Variants in SGCZ observed in about 807,000 individuals in gnomAD.
SGCZ encodes sarcoglycan zeta, also known as zeta-sarcoglycan.
In SGCZ, 40 loss-of-function variants were observed where a neutral mutation model predicts 41.3. That is an observed-to-expected ratio of 0.97 (90% CI 0.75 to 1.26). The LOEUF (loss-of-function observed/expected upper bound fraction) is 1.26. Among genes scored for constraint, SGCZ ranks in the 50% most tolerant of loss-of-function variants. The pLI is 0.00. For missense variants in SGCZ, 552 were observed against 369.8 expected, an observed-to-expected ratio of 1.49 and a Z score of -4.04; for synonymous variants, 206 against 137.5, an observed-to-expected ratio of 1.50 and a Z score of -3.49.
intron 1 of SGCZ, among the ~76,000 whole-genome samples, chr8:15,170,219 C>A (rs1298257623): frequency 6.6e-6 from 1 of 152,168 alleles, no homozygotes; most frequent in Non-Finnish European, 1.5e-5. Flanking sequence ...TGCCTGAGAT[C>A]TAAAGTTTCC....
chr8:14,205,819 T>C, intron 4 of SGCZ, among the ~76,000 whole-genome samples: 1 of 152,170 alleles, frequency 6.6e-6, no homozygotes, highest in Non-Finnish European at 1.5e-5. Context: ...TTTGATGCAC[T>C]GAGATTTATA....
chr8:14,394,365 G>A (rs1804904013), intron 2 of SGCZ, among the ~76,000 whole-genome samples: 1 of 151,898 alleles, frequency 6.6e-6, no homozygotes, highest in South Asian at 2.1e-4. Flanking sequence ...TGGCCAGGAT[G>A]GTCTCGATCT....
intron 1 of SGCZ, among the ~76,000 whole-genome samples, chr8:14,967,475 G>C (rs1801159712): frequency 1.3e-5 from 2 of 152,086 alleles, no homozygotes; most frequent in Non-Finnish European, 2.9e-5. Context: ...CGGTCATAAA[G>C]ACTCAAAATA....
chr8:14,784,957 A>ATATATATAATATATATATTTTTTATAT (rs1800717969), intron 1 of SGCZ, among the ~76,000 whole-genome samples: 1 of 102,206 alleles, frequency 9.8e-6, no homozygotes, highest in African/African-American at 3.7e-5. Context: ...TTTTTATATT[A>ATATATATAATATATATATTTTTTATAT]TATATATATA....
intron 1 of SGCZ, among the ~76,000 whole-genome samples, chr8:15,163,027 C>G (rs1447836979): frequency 6.6e-6 from 1 of 152,144 alleles, no homozygotes; most frequent in East Asian, 1.9e-4. Flanking sequence ...TCATTTCGTG[C>G]TCAGTTGTAT....
At chr8:14,219,541 G>A (rs1350614018) in intron 4 of SGCZ, among the ~76,000 whole-genome samples, 1 of 152,166 alleles carries the variant, frequency 6.6e-6, no homozygotes, top group Non-Finnish European at 1.5e-5. Flanking sequence ...AAGGTCAGGA[G>A]TTCGAGACCA....
intron 1 of SGCZ, among the ~76,000 whole-genome samples, chr8:15,146,394 G>A (rs1268000749): frequency 6.6e-6 from 1 of 152,136 alleles, no homozygotes; most frequent in East Asian, 1.9e-4. Context: ...GAGAAATGGA[G>A]TCTCCATATT....
At chr8:14,283,895 A>G (rs1800532358) in intron 3 of SGCZ, among the ~76,000 whole-genome samples, 2 of 152,196 alleles carry the variant, frequency 1.3e-5, no homozygotes. Context: ...CAATTGACCT[A>G]AGAAACTTTT....
chr8:15,147,171 C>T (rs1473841760), intron 1 of SGCZ, among the ~76,000 whole-genome samples: 1 of 152,154 alleles, frequency 6.6e-6, no homozygotes, highest in African/African-American at 2.4e-5. Flanking sequence ...GGAAAACCTG[C>T]ATCATCTAAA....
intron 1 of SGCZ, among the ~76,000 whole-genome samples, chr8:15,210,711 T>C (rs1408397618): frequency 6.6e-6 from 1 of 152,164 alleles, no homozygotes; most frequent in Non-Finnish European, 1.5e-5. Flanking sequence ...GTGTACTTTA[T>C]CACCCGTCCC....
chr8:14,531,330 T>A (rs1803124329), intron 2 of SGCZ, among the ~76,000 whole-genome samples: 1 of 152,042 alleles, frequency 6.6e-6, no homozygotes, highest in Non-Finnish European at 1.5e-5. Context: ...AATAAAATTC[T>A]ACTCTGCCTT....
At chr8:14,459,364 A>G (rs1386780605) in intron 2 of SGCZ, among the ~76,000 whole-genome samples, 2 of 152,136 alleles carry the variant, frequency 1.3e-5, no homozygotes, top group Admixed American at 6.6e-5. Flanking sequence ...ACATGTATAC[A>G]TATGTAACAA....
At chr8:14,974,514 T>C (rs147183122) in intron 1 of SGCZ, among the ~76,000 whole-genome samples, 141 of 152,262 alleles carry the variant, frequency 9.3e-4, no homozygotes, top group African/African-American at 2.8e-3. Context: ...AAACTGGCCA[T>C]GCATTTTAGA....
intron 2 of SGCZ, among the ~76,000 whole-genome samples, chr8:14,522,028 C>A (rs558983616): frequency 6.6e-6 from 1 of 151,962 alleles, no homozygotes; most frequent in African/African-American, 2.4e-5. Flanking sequence ...TATGATCAAG[C>A]GATATTTCAT....
chr8:15,161,517 C>T (rs534569467), intron 1 of SGCZ, among the ~76,000 whole-genome samples: 35 of 152,266 alleles, frequency 2.3e-4, no homozygotes, highest in Admixed American at 2.0e-3. Flanking sequence ...GTATCCTCAG[C>T]AGTGGGCAGT....
intron 1 of SGCZ, among the ~76,000 whole-genome samples, chr8:14,916,292 A>AC (rs1799435587): frequency 6.6e-6 from 1 of 152,208 alleles, no homozygotes; most frequent in Non-Finnish European, 1.5e-5. Flanking sequence ...TGCTGTGAAG[A>AC]TTATATACAT....
At position 14,194,720 on chromosome 8, in the gene SGCZ, G is replaced by A. The variant is rs1056357817; in HGVS notation, c.425-30018C>T. 1.1e-4 allele frequency among the ~76,000 whole-genome samples: 16 copies of A among 151,880 alleles called. 1 individual carries two copies. Among genetic ancestry groups the A allele is most frequent in the Admixed American group, 5.3e-4 (8 of 15,234 alleles). ...TTCAAGACATTGAACATCAGTAAAT[G>A]CAGCACAATAATACAAAAGAGGCAG... On this transcript the variant is annotated intron_variant, in intron 4 of 7. Coordinates refer to ENST00000382080, the MANE Select transcript of SGCZ (RefSeq NM_139167.4).
At chr8:14,901,226 G>A (rs995212158) in intron 1 of SGCZ, among the ~76,000 whole-genome samples, 1 of 152,114 alleles carries the variant, frequency 6.6e-6, no homozygotes, top group East Asian at 1.9e-4. Context: ...TAAATTAGGT[G>A]AGCACACTTA....
intron 1 of SGCZ, among the ~76,000 whole-genome samples, chr8:14,702,858 TA>T (rs1809201534): frequency 6.8e-6 from 1 of 147,204 alleles, no homozygotes; most frequent in Admixed American, 6.8e-5. Context: ...GATAGATAGA[TA>T]GATAGATAGA....
Sources: gnomAD v4.1 joint callset for allele counts (sites outside exome capture counted in the v4.1 genomes callset) on GRCh38, gnomAD v4.1.1 for gene constraint, MANE v1.5 for transcripts, NCBI Gene and HGNC (gene_info 2026-07-23, HGNC 2026-07-21) for gene names.